ANKRD37: variants seen among roughly 807,000 people sequenced by gnomAD.
The protein encoded by ANKRD37 is ankyrin repeat domain-containing protein 37.
ANKRD37 carries 17 observed loss-of-function variants against 19.7 expected under a neutral mutation model. The ratio of observed to expected loss-of-function variants is 0.86; its 90% CI spans 0.59 to 1.29. The LOEUF is 1.29. Among genes scored for constraint, ANKRD37 ranks in the 50% most tolerant of loss-of-function variants. ANKRD37 has a pLI of 0.00. For synonymous variants in ANKRD37, 79 were observed against 74.5 expected (o/e 1.06, Z -0.31); for missense variants, 207 against 190.4 (o/e 1.09, Z -0.51).
rs2095505406 is a variant in ANKRD37 at position 185,397,055 on chromosome 4, A to G, written c.28-95A>G. The G allele has an allele frequency of 3.7e-6, 6 of 1,609,848 alleles. No individual in the cohort carries two copies. In the South Asian group the frequency reaches 4.4e-5, roughly 12 times the overall value. Reference sequence around the variant, plus strand: ...ACGGACCACTGGGCGCTGCCTGGTCAGAGCTGGTTGTGAAGGGCGGGGAGG... The same window carrying G: ...ACGGACCACTGGGCGCTGCCTGGTCGGAGCTGGTTGTGAAGGGCGGGGAGG... On this transcript the variant is annotated intron_variant, in intron 1 of 4. Coordinates refer to ENST00000335174, the MANE Select transcript of ANKRD37 (RefSeq NM_181726.4).
chr4:185,397,996 C>T (rs577033598), intron 2 of ANKRD37, among the ~76,000 whole-genome samples: 1 of 152,292 alleles, frequency 6.6e-6, no homozygotes, highest in Non-Finnish European at 1.5e-5. Flanking sequence ...TTGCTTTTGT[C>T]GCCCAGACTG....
chr4:185,399,532 C>A, intron 3 of ANKRD37, 38 bp from the exon 4 acceptor site: 1 of 1,603,944 alleles, frequency 6.2e-7, no homozygotes, highest in South Asian at 1.1e-5. Context: ...GACTTAAGTT[C>A]AATGTTTCAT....
At chr4:185,400,482 G>A, downstream of ANKRD37, 3 of 1,608,736 alleles carry the variant, frequency 1.9e-6, no homozygotes, top group Non-Finnish European at 2.5e-6. Flanking sequence ...ACCAGCCCTG[G>A]ATAGAGAAGA....
chr4:185,397,128 T>C lies in ANKRD37; in HGVS notation c.28-22T>C, dbSNP rs924549486. On this transcript the variant is annotated intron_variant, in intron 1 of 4. Coordinates refer to ENST00000335174, the MANE Select transcript of ANKRD37 (RefSeq NM_181726.4). ...GACTGGACAAAGGTGGGAAGGGTGC[T>C]GGATCTGTTCTCTTCCTGCAGGTGG... 2.5e-6 allele frequency: 4 copies of C among 1,612,784 alleles called. 1 individual carries two copies. The Admixed American group carries it at 6.7e-5, about 27-fold the overall frequency.
intron 3 of ANKRD37, 60 bp from the exon 4 acceptor site, chr4:185,399,510 T>C (rs2095510439): frequency 6.8e-7 from 1 of 1,479,770 alleles, no homozygotes; most frequent in Non-Finnish European, 9.1e-7. Context: ...CCTTGTAAGA[T>C]ATAAAAAAAA....
intron 1 of ANKRD37, 49 bp downstream of exon 1, chr4:185,396,999 C>T (rs1580033258): frequency 1.9e-6 from 3 of 1,612,098 alleles, no homozygotes; most frequent in Non-Finnish European, 2.5e-6. Flanking sequence ...CAGGCTCAAG[C>T]TTCTAGATTC....
downstream of ANKRD37, chr4:185,400,566 A>G: frequency 1.1e-6 from 1 of 915,520 alleles, no homozygotes; most frequent in African/African-American, 1.7e-5. Flanking sequence ...TGTCAGCAGG[A>G]CCTTGGAATA....
At position 185,397,221 on chromosome 4, in the gene ANKRD37, G is replaced by A. The variant is rs747830120; in HGVS notation, c.99G>A (p.Ser33=). Reference sequence around the variant, plus strand: ...CACCCCCGGATCCCTGCAAGCAGTCGCCTGTCCACTTAGCCGCAGGAAGCG... The same window carrying A: ...CACCCCCGGATCCCTGCAAGCAGTCACCTGTCCACTTAGCCGCAGGAAGCG... ...VNAPPDPCKQ[S]PVHLAAGSGL... Residue 33 remains serine, a synonymous_variant, in exon 2 of 5, where the codon TCG becomes TCA. Coordinates refer to ENST00000335174, the MANE Select transcript of ANKRD37 (RefSeq NM_181726.4). 41 of 1,614,008 alleles carry A rather than the reference G, an allele frequency of 2.5e-5. No homozygotes were observed. The highest frequency in any genetic ancestry group is 1.3e-5 in the Non-Finnish European group (15 of 1,180,042).
chr4:185,399,794 G>A (rs1561104087), intron 4 of ANKRD37, 21 bp downstream of exon 4: 1 of 1,613,374 alleles, frequency 6.2e-7, no homozygotes, highest in Non-Finnish European at 8.5e-7. Context: ...CAGAGCTGCT[G>A]CTTTTTTCCT....
chr4:185,398,462 A>T (rs182028748), intron 2 of ANKRD37, among the ~76,000 whole-genome samples: 34 of 152,356 alleles, frequency 2.2e-4, no homozygotes, highest in African/African-American at 7.9e-4. Flanking sequence ...AAATTAGCCC[A>T]TGGAGTTGGC....
In ANKRD37 at chr4:185,397,197, ACCCC is replaced by A; in HGVS notation, c.77_80del (p.Pro26ArgfsTer11). ...TGGAGACAGGGGCCTCGGTCAACGC[ACCCC>A]CGGATCCCTGCAAGCAGTCGCCTGT... On this transcript the variant is annotated frameshift_variant, in exon 2 of 5. Coordinates refer to ENST00000335174, the MANE Select transcript of ANKRD37 (RefSeq NM_181726.4). LOFTEE classifies it high-confidence loss of function. 1 of 1,613,820 alleles carries A rather than the reference ACCCC, an allele frequency of 6.2e-7. No individual in the cohort carries two copies.
At chr4:185,398,795 A>C in intron 2 of ANKRD37, 142 bp from the exon 3 acceptor site, 1 of 100,348 alleles carries the variant, frequency 1.0e-5, no homozygotes, top group Non-Finnish European at 1.7e-5. Context: ...GTTCTCTGCC[A>C]AAAAAAAAAA....
In ANKRD37 at chr4:185,397,171, C is replaced by T; in HGVS notation, c.49C>T (p.Leu17=). 6.2e-7 allele frequency: 1 copy of T among 1,613,678 alleles called. No individual in the cohort carries two copies. Among genetic ancestry groups the T allele is most frequent in the African/African-American group, 1.3e-5 (1 of 75,046 alleles). ...GCAGGTGGATGGTCTGAAGCATTTG[C>T]TGGAGACAGGGGCCTCGGTCAACGC... ...NPEVDGLKHL[L]ETGASVNAPP... is the part of the protein sequence containing the mutation. Residue 17 remains leucine (L), a synonymous_variant, in exon 2 of 5, where the codon CTG becomes TTG. Transcript: ENST00000335174.
intron 4 of ANKRD37, 113 bp from the exon 5 acceptor site, chr4:185,399,904 C>A: frequency 6.5e-7 from 1 of 1,538,982 alleles, no homozygotes; most frequent in Non-Finnish European, 8.7e-7. Flanking sequence ...CATTTTAGTA[C>A]TGGTTATACT....
In ANKRD37 at chr4:185,399,705, T is replaced by C; in HGVS notation, c.408T>C (p.Cys136=). ...GTGAACACCCTGACAGGAATGATTG[T>C]GTTGCCGTGCTCAGACAGAAACGGA... ...KASEHPDRND[C]VAVLRQKRSL... The change falls in exon 4 of 5, where the codon TGT becomes TGC. Residue 136 remains cysteine (C), a synonymous_variant. Transcript: ENST00000335174. 6.2e-7 allele frequency: 1 copy of C among 1,614,146 alleles called. No homozygotes were observed. The highest frequency in any genetic ancestry group is 1.1e-5 in the South Asian group (1 of 91,078).
chr4:185,397,510 A>G, intron 2 of ANKRD37: 1 of 601,478 alleles, frequency 1.7e-6, no homozygotes, highest in South Asian at 2.8e-5. Flanking sequence ...GTTTTTAAGT[A>G]GCCACATTAA....
intron 3 of ANKRD37, 52 bp from the exon 4 acceptor site, chr4:185,399,518 A>G: frequency 6.3e-7 from 1 of 1,589,394 alleles, no homozygotes; most frequent in Admixed American, 1.7e-5. Context: ...GATATAAAAA[A>G]AAAGACTTAA....
At chr4:185,400,252 G>A (rs1261864485), downstream of ANKRD37, 10 of 749,292 alleles carry the variant, frequency 1.3e-5, no homozygotes, top group East Asian at 8.0e-5. Flanking sequence ...TACATTCTCC[G>A]TGCAGTATTT....
chr4:185,399,482 T>C, intron 3 of ANKRD37, 88 bp from the exon 4 acceptor site: 1 of 1,442,048 alleles, frequency 6.9e-7, no homozygotes, highest in Non-Finnish European at 9.5e-7. Context: ...AACCAACATT[T>C]GTATGAGCCC....
Sources: allele counts gnomAD v4.1 joint callset (sites outside exome capture counted in the v4.1 genomes callset), GRCh38; gene constraint gnomAD v4.1.1; transcripts MANE v1.5; gene names NCBI Gene and HGNC (gene_info 2026-07-23, HGNC 2026-07-21).